FILIP1L: variants seen among roughly 807,000 people sequenced by gnomAD.
FILIP1L encodes the protein filamin A interacting protein 1 like, also known as filamin A-interacting protein 1-like.
Under a neutral mutation model 96.6 loss-of-function variants are expected in FILIP1L, and 55 were observed. The observed-to-expected ratio is 0.57, with a 90% CI of 0.46 to 0.71. FILIP1L has a LOEUF of 0.71. Ranked by LOEUF, FILIP1L falls within the 30% of genes least tolerant of loss-of-function variation. FILIP1L has a pLI of 0.00. For synonymous variants in FILIP1L, 467 were observed against 473.9 expected (o/e 0.99, Z 0.19); for missense variants, 1,304 against 1,321.2 (o/e 0.99, Z 0.20).
intron 1 of FILIP1L, among the ~76,000 whole-genome samples, chr3:100,020,821 A>T (rs1438276556): frequency 2.5e-5 from 3 of 118,452 alleles, no homozygotes; most frequent in African/African-American, 3.3e-5. Flanking sequence ...GGTTTGGAGT[A>T]CAGTGGCACG....
At chr3:100,080,325 A>G (rs2065912602) in intron 1 of FILIP1L, among the ~76,000 whole-genome samples, 1 of 102,452 alleles carries the variant, frequency 9.8e-6, no homozygotes, top group Admixed American at 1.1e-4. Context: ...AAGAGGGGGA[A>G]AAAAAAATTT....
At chr3:99,975,514 C>A (rs1004106867) in intron 1 of FILIP1L, among the ~76,000 whole-genome samples, 3 of 151,958 alleles carry the variant, frequency 2.0e-5, no homozygotes, top group Non-Finnish European at 2.9e-5. Context: ...ATTGCTTGAA[C>A]CCGGGAGGCA....
chr3:100,021,359 C>A (rs2064813967), intron 1 of FILIP1L, among the ~76,000 whole-genome samples: 1 of 152,168 alleles, frequency 6.6e-6, no homozygotes, highest in Non-Finnish European at 1.5e-5. Context: ...TTTATTGCTG[C>A]CTTCCAAGTT....
chr3:99,849,544 T>A lies in FILIP1L; in HGVS notation c.2132A>T (p.Lys711Met), dbSNP rs747026428. ...LFKRLQEEEAKSGHLSREVDA... is the reference protein window; with the variant it reads ...LFKRLQEEEAMSGHLSREVDA... Reference sequence around the variant, plus strand: ...CACTTCTCTTGAGAGGTGCCCTGACTTAGCTTCTTCTTCTTGAAGCCTTTT... The same window carrying A: ...CACTTCTCTTGAGAGGTGCCCTGACATAGCTTCTTCTTCTTGAAGCCTTTT... The change falls in exon 5 of 6, where the codon AAG (lysine) becomes ATG (methionine). Residue 711 changes from lysine (K) to methionine (M), a missense_variant. Transcript: ENST00000477258. 6.2e-7 allele frequency: 1 copy of A among 1,613,568 alleles called. No individual in the cohort carries two copies. The highest frequency in any genetic ancestry group is 1.1e-5 in the South Asian group (1 of 90,910).
chr3:100,049,212 G>A (rs1036580612), intron 1 of FILIP1L, among the ~76,000 whole-genome samples: 7 of 152,210 alleles, frequency 4.6e-5, no homozygotes, highest in African/African-American at 1.7e-4. Flanking sequence ...TTATAGAAAC[G>A]TGGCAATAAA....
At chr3:99,990,514 A>G (rs1488822793) in intron 1 of FILIP1L, among the ~76,000 whole-genome samples, 1 of 152,236 alleles carries the variant, frequency 6.6e-6, no homozygotes, top group Non-Finnish European at 1.5e-5. Context: ...ATGTGTATTA[A>G]ATGAATATCT....
intron 4 of FILIP1L, among the ~76,000 whole-genome samples, chr3:99,878,850 A>G (rs930131447): frequency 1.3e-5 from 2 of 152,210 alleles, no homozygotes; most frequent in Non-Finnish European, 2.9e-5. Context: ...ACATAAGTAG[A>G]TGAGTAGACT....
chr3:100,017,565 A>G (rs1235207622), intron 1 of FILIP1L, among the ~76,000 whole-genome samples: 5 of 152,198 alleles, frequency 3.3e-5, no homozygotes, highest in Non-Finnish European at 5.9e-5. Flanking sequence ...TGTCAGCAAC[A>G]TGTATCCTGA....
intron 1 of FILIP1L, among the ~76,000 whole-genome samples, chr3:100,051,637 G>A (rs1488644143): frequency 6.6e-6 from 1 of 151,002 alleles, no homozygotes; most frequent in Non-Finnish European, 1.5e-5. Flanking sequence ...ATAGTTTGCT[G>A]AGAATGATGG....
At chr3:99,877,762 G>T (rs997093997) in intron 4 of FILIP1L, among the ~76,000 whole-genome samples, 1 of 152,048 alleles carries the variant, frequency 6.6e-6, no homozygotes, top group Non-Finnish European at 1.5e-5. Flanking sequence ...CTTTTATGCT[G>T]CATTTTTTAT....
chr3:99,906,406 T>A (rs1260292018), intron 4 of FILIP1L, among the ~76,000 whole-genome samples: 1 of 152,232 alleles, frequency 6.6e-6, no homozygotes, highest in Admixed American at 6.5e-5. Context: ...TTATAGGAGT[T>A]GTTCATATAT....
intron 1 of FILIP1L, among the ~76,000 whole-genome samples, chr3:100,039,132 T>C (rs1483799904): frequency 6.6e-6 from 1 of 152,184 alleles, no homozygotes; most frequent in Non-Finnish European, 1.5e-5. Flanking sequence ...GGTATTGAAA[T>C]TATCATCATC....
chr3:99,981,241 C>T (rs1190311213), intron 1 of FILIP1L, among the ~76,000 whole-genome samples: 1 of 152,150 alleles, frequency 6.6e-6, no homozygotes, highest in East Asian at 1.9e-4. Context: ...GCTTCCACTA[C>T]CCCAATGCTA....
At chr3:100,047,332 T>C (rs1269861443) in intron 1 of FILIP1L, among the ~76,000 whole-genome samples, 3 of 152,252 alleles carry the variant, frequency 2.0e-5, no homozygotes, top group Non-Finnish European at 4.4e-5. Flanking sequence ...GCATATTTAT[T>C]GATGCTATTA....
chr3:100,081,471 G>C (rs1347621729), intron 1 of FILIP1L, among the ~76,000 whole-genome samples: 1 of 152,106 alleles, frequency 6.6e-6, no homozygotes, highest in Non-Finnish European at 1.5e-5. Context: ...GATTATACTT[G>C]ACAACCCTTA....
At chr3:99,846,853 A>T (rs892317823) in intron 5 of FILIP1L, among the ~76,000 whole-genome samples, 2 of 152,224 alleles carry the variant, frequency 1.3e-5, no homozygotes, top group African/African-American at 2.4e-5. Context: ...AACCACACTA[A>T]ATTAACAATT....
intron 5 of FILIP1L, among the ~76,000 whole-genome samples, chr3:99,835,678 A>G (rs926992813): frequency 1.3e-5 from 2 of 152,238 alleles, no homozygotes; most frequent in African/African-American, 4.8e-5. Flanking sequence ...TTTAAGAAAC[A>G]TTGATATAAG....
chr3:99,948,469 A>C (rs1356703376), intron 1 of FILIP1L, among the ~76,000 whole-genome samples: 1 of 151,062 alleles, frequency 6.6e-6, no homozygotes, highest in Non-Finnish European at 1.5e-5. Context: ...ACCTAAGTCC[A>C]AGAATTGGAG....
chr3:99,841,132 A>T lies in FILIP1L; in HGVS notation c.3381+7163T>A, dbSNP rs1943111681. On this transcript the variant is annotated intron_variant, in intron 5 of 5. Coordinates refer to ENST00000477258, the MANE Select transcript of FILIP1L (RefSeq NM_001387850.1). ...TGTGTACATGTGATGCTTTGAAGAA[A>T]ACATATTGCATACTAAGACACTGCG... Among the ~76,000 whole-genome samples the T allele has an allele frequency of 2.6e-5, 4 of 152,360 alleles. No homozygotes were observed. The South Asian group carries it at 8.3e-4, about 32-fold the overall frequency.
Sources: gnomAD v4.1 joint callset for allele counts (sites outside exome capture counted in the v4.1 genomes callset) on GRCh38, gnomAD v4.1.1 for gene constraint, MANE v1.5 for transcripts, NCBI Gene and HGNC (gene_info 2026-07-23, HGNC 2026-07-21) for gene names.